The following VSNL1 variants were observed in gnomAD, a reference collection of about 807,000 sequenced individuals.
The protein encoded by VSNL1 is visinin-like protein 1.
VSNL1 carries 6 observed loss-of-function variants against 20.4 expected under a neutral mutation model. The ratio of observed to expected loss-of-function variants is 0.29; its 90% CI spans 0.16 to 0.58. The LOEUF (loss-of-function observed/expected upper bound fraction) is 0.58. VSNL1 is among the 20% of genes least tolerant of loss of function. The probability of loss-of-function intolerance (pLI) is 0.90; values close to 1 mark genes in which losing one functional copy is unlikely to be tolerated. For missense variants in VSNL1, 100 were observed against 234.5 expected, an observed-to-expected ratio of 0.43 and a Z score of 3.75; for synonymous variants, 93 against 86.4, an observed-to-expected ratio of 1.08 and a Z score of -0.42.
At chr2:17,647,610 T>C (rs555125627) in intron 2 of VSNL1, among the ~76,000 whole-genome samples, 34 of 152,250 alleles carry the variant, frequency 2.2e-4, no homozygotes, top group African/African-American at 6.7e-4. Flanking sequence ...CTAAGTAGCA[T>C]TGGGGGGTGA....
chr2:17,622,873 C>T (rs186152638), intron 2 of VSNL1, among the ~76,000 whole-genome samples: 104 of 152,342 alleles, frequency 6.8e-4, no homozygotes, highest in African/African-American at 1.6e-3. Context: ...CTGCTGCAAA[C>T]GGCGTGAACT....
At position 17,542,876 on chromosome 2, in the gene VSNL1, C is replaced by T. The variant is rs1277520106; in HGVS notation, c.-6+1958C>T. Among the ~76,000 whole-genome samples the T allele has an allele frequency of 2.0e-5, 3 of 152,138 alleles. No homozygotes were observed. The East Asian group carries it at 5.8e-4, about 29-fold the overall frequency. On this transcript the variant is annotated intron_variant, in intron 1 of 3. Transcript: ENST00000295156. Reference sequence around the variant, plus strand: ...CCTGTAAGGTATCTAGTCCAAACCCCTTGCTTTGTAGATGAGGAAACTGAG... The same window carrying T: ...CCTGTAAGGTATCTAGTCCAAACCCTTTGCTTTGTAGATGAGGAAACTGAG...
intron 2 of VSNL1, among the ~76,000 whole-genome samples, chr2:17,647,222 T>C (rs1488665308): frequency 6.6e-6 from 1 of 152,192 alleles, no homozygotes; most frequent in Non-Finnish European, 1.5e-5. Context: ...TCCCTTAACC[T>C]AAAAGTAGGC....
intron 2 of VSNL1, among the ~76,000 whole-genome samples, chr2:17,636,214 C>G (rs1665744494): frequency 6.6e-6 from 1 of 151,830 alleles, no homozygotes. Flanking sequence ...CAATAGACAC[C>G]TAGATTTGGA....
At chr2:17,549,292 T>G (rs191905062) in intron 1 of VSNL1, among the ~76,000 whole-genome samples, 150 of 152,262 alleles carry the variant, frequency 9.9e-4, no homozygotes, top group African/African-American at 3.5e-3. Flanking sequence ...TTGCTGAGTG[T>G]TTGTAGAAGT....
At chr2:17,654,403 T>C (rs1357157622) in intron 3 of VSNL1, among the ~76,000 whole-genome samples, 2 of 152,338 alleles carry the variant, frequency 1.3e-5, no homozygotes, top group South Asian at 2.1e-4. Flanking sequence ...GGCTTGGTTG[T>C]CTTACTAGAT....
intron 1 of VSNL1, among the ~76,000 whole-genome samples, chr2:17,584,590 C>T (rs994819476): frequency 6.6e-6 from 1 of 152,128 alleles, no homozygotes; most frequent in Non-Finnish European, 1.5e-5. Context: ...GGCCAAGGCT[C>T]CAGAGCCACT....
At chr2:17,570,084 T>C (rs1018656702) in intron 1 of VSNL1, among the ~76,000 whole-genome samples, 3 of 152,204 alleles carry the variant, frequency 2.0e-5, no homozygotes, top group African/African-American at 7.2e-5. Context: ...ATCTCCAAAT[T>C]GAGTGTCTGA....
intron 2 of VSNL1, among the ~76,000 whole-genome samples, chr2:17,610,618 C>T (rs532815263): frequency 6.6e-6 from 1 of 152,282 alleles, no homozygotes; most frequent in South Asian, 2.1e-4. Context: ...AAAAATACAT[C>T]CATAATCTAA....
At chr2:17,552,976 T>A (rs1037892159) in intron 1 of VSNL1, among the ~76,000 whole-genome samples, 1 of 152,128 alleles carries the variant, frequency 6.6e-6, no homozygotes, top group Admixed American at 6.6e-5. Context: ...AGGATAAACA[T>A]AATGTCTTTG....
chr2:17,580,198 A>G (rs1664319926), intron 1 of VSNL1, among the ~76,000 whole-genome samples: 1 of 152,238 alleles, frequency 6.6e-6, no homozygotes, highest in Non-Finnish European at 1.5e-5. Context: ...CAGAGCTTCC[A>G]TAGATCACCA....
intron 2 of VSNL1, 121 bp downstream of exon 2, chr2:17,592,357 TC>T (rs1181690437): frequency 9.3e-7 from 1 of 1,078,184 alleles, no homozygotes; most frequent in African/African-American, 1.6e-5. Context: ...CTGGCTGTTT[TC>T]CATCCAGAAA....
rs1260856538 is a variant in VSNL1, at chr2:17,634,576, G to A, written c.163-14834G>A. 1.3e-5 allele frequency among the ~76,000 whole-genome samples: 2 copies of A among 152,156 alleles called. No individual in the cohort carries two copies. Among genetic ancestry groups the A allele is most frequent in the African/African-American group, 4.8e-5 (2 of 41,434 alleles). On this transcript the variant is annotated intron_variant, in intron 2 of 3. Transcript: ENST00000295156. This position sits in a 1 kb window ranked among gnomAD's most constrained non-coding sequence, Gnocchi z 4.3. The stretch of plus-strand genomic sequence containing the variant: ...TGTTTGTTGTACAAATGAGGCTGAG[G>A]CAAAGCTTAGCTGTGCCCCTTCCCG...
At chr2:17,641,322 G>C (rs192368310) in intron 2 of VSNL1, among the ~76,000 whole-genome samples, 1 of 152,312 alleles carries the variant, frequency 6.6e-6, no homozygotes, top group East Asian at 1.9e-4. Flanking sequence ...CAGCAACCAA[G>C]CTACTACCAA....
At chr2:17,630,776 AT>A (rs888002636) in intron 2 of VSNL1, among the ~76,000 whole-genome samples, 5 of 151,654 alleles carry the variant, frequency 3.3e-5, no homozygotes, top group Admixed American at 6.6e-5. Context: ...ACGGCATTTT[AT>A]TTTTTTTTAA....
At chr2:17,585,675 T>A (rs1664455923) in intron 1 of VSNL1, among the ~76,000 whole-genome samples, 1 of 152,058 alleles carries the variant, frequency 6.6e-6, no homozygotes. Context: ...GCCCATGTGA[T>A]CTGGGAAAAT....
At chr2:17,602,572 G>A (rs1664845233) in intron 2 of VSNL1, among the ~76,000 whole-genome samples, 1 of 152,060 alleles carries the variant, frequency 6.6e-6, no homozygotes, top group South Asian at 2.1e-4. Context: ...GCGAAACTCT[G>A]TCTCTACTAA....
chr2:17,629,610 T>C (rs1204118849), intron 2 of VSNL1, among the ~76,000 whole-genome samples: 3 of 152,234 alleles, frequency 2.0e-5, no homozygotes, highest in Non-Finnish European at 4.4e-5. Flanking sequence ...CTCAGCCACT[T>C]TGCCAACCAG....
chr2:17,622,544 GAAAGAAAGAAAGAAAGAAA>G (rs1665396340), intron 2 of VSNL1, among the ~76,000 whole-genome samples: 3 of 58,064 alleles, frequency 5.2e-5, no homozygotes, highest in Non-Finnish European at 1.0e-4. Flanking sequence ...AAGAAAGAAA[GAAAGAAAGAAAGAAAGAAA>G]GAAAGAAAGA....
Sources: allele counts gnomAD v4.1 joint callset (sites outside exome capture counted in the v4.1 genomes callset), GRCh38; gene constraint gnomAD v4.1.1; non-coding constraint Gnocchi (gnomAD v3.1); transcripts MANE v1.5; gene names NCBI Gene and HGNC (gene_info 2026-07-23, HGNC 2026-07-21).